The following DIP2A variants were observed in gnomAD, a reference collection of about 807,000 sequenced individuals.
The protein encoded by DIP2A is DIP2 acetate--CoA ligase A, also known as disco-interacting protein 2 homolog A.
DIP2A carries 85 observed loss-of-function variants against 177.4 expected under a neutral mutation model. That is an observed-to-expected ratio of 0.48 (90% CI 0.40 to 0.57). The LOEUF (loss-of-function observed/expected upper bound fraction) is 0.57. Among genes scored for constraint, DIP2A ranks in the 20% least tolerant of loss-of-function variants. DIP2A has a pLI of 0.00. For synonymous variants in DIP2A, 886 were observed against 881.8 expected (o/e 1.00, Z -0.08); for missense variants, 1,791 against 2,100.2 (o/e 0.85, Z 2.88).
At chr21:46,473,272 TG>T (rs1311009496) in intron 1 of DIP2A, among the ~76,000 whole-genome samples, 6 of 151,456 alleles carry the variant, frequency 4.0e-5, no homozygotes, top group Non-Finnish European at 7.4e-5. Context: ...GAGACTACCC[TG>T]GGCAACATAG....
rs2058911291 is a variant in DIP2A, at chr21:46,523,291, G to A, written c.1103-5801G>A. On this transcript the variant is annotated intron_variant, in intron 8 of 37. Coordinates refer to ENST00000417564, the MANE Select transcript of DIP2A (RefSeq NM_015151.4). ...GCTCTGTCGCCCAGGCTGGAGTGCAGTGGCGTGATCTTGGCTCACTGCAAC... is the reference window on the plus strand; with the variant it reads ...GCTCTGTCGCCCAGGCTGGAGTGCAATGGCGTGATCTTGGCTCACTGCAAC... Among the ~76,000 whole-genome samples the A allele has an allele frequency of 6.0e-5, 9 of 151,082 alleles. No individual in the cohort carries two copies. The South Asian group carries it at 1.9e-3, about 32-fold the overall frequency.
intron 35 of DIP2A, among the ~76,000 whole-genome samples, chr21:46,565,414 A>G (rs1364995793): frequency 6.6e-6 from 1 of 152,090 alleles, no homozygotes; most frequent in Non-Finnish European, 1.5e-5. Context: ...ATTACCAACA[A>G]TAGTTGGATG....
At chr21:46,515,452 CTTT>C (rs59288880) in intron 8 of DIP2A, among the ~76,000 whole-genome samples, 1 of 145,690 alleles carries the variant, frequency 6.9e-6, no homozygotes, top group Non-Finnish European at 1.5e-5. Context: ...CACACTTCCT[CTTT>C]TTTTTTTTTT....
chr21:46,544,640 C>G (rs1233999676), intron 18 of DIP2A, among the ~76,000 whole-genome samples: 1 of 152,172 alleles, frequency 6.6e-6, no homozygotes, highest in Non-Finnish European at 1.5e-5. Context: ...AGAGGCACTC[C>G]TTGACTTAAG....
At position 46,529,563 on chromosome 21, in the gene DIP2A, T is replaced by C. The variant is rs147202926; in HGVS notation, c.1194+380T>C. On this transcript the variant is annotated intron_variant, in intron 9 of 37. Transcript: ENST00000417564. ...TTGTAGTGAGCCAAGATCTCGCCAC[T>C]GCACTCCAGCCTGGCGACAGAGTGA... 6.0e-3 allele frequency among the ~76,000 whole-genome samples: 905 copies of C among 149,688 alleles called. 8 individuals are homozygous for C. Among genetic ancestry groups the C allele is most frequent in the Middle Eastern group, 0.021 (6 of 290 alleles).
intron 7 of DIP2A, among the ~76,000 whole-genome samples, chr21:46,510,166 G>A (rs1977907): frequency 0.48 from 72,768 of 151,966 alleles, 18,317 homozygotes; most frequent in African/African-American, 0.63. Context: ...CTGAGTCCCA[G>A]TGCTGAAGTA....
At chr21:46,551,071 G>T (rs1308020773) in intron 23 of DIP2A, among the ~76,000 whole-genome samples, 1 of 152,220 alleles carries the variant, frequency 6.6e-6, no homozygotes, top group Non-Finnish European at 1.5e-5. Context: ...TGCTGCCCAG[G>T]ATCATCCTGG....
intron 5 of DIP2A, among the ~76,000 whole-genome samples, chr21:46,501,608 G>A (rs572984811): frequency 4.6e-5 from 7 of 152,148 alleles, no homozygotes; most frequent in African/African-American, 1.7e-4. Context: ...TTTTTGGAAA[G>A]ATGGAGTTTT....
In DIP2A at chr21:46,537,803, G is replaced by A. The variant is rs992537797; in HGVS notation, c.1801+264G>A. 6.6e-6 allele frequency among the ~76,000 whole-genome samples: 1 copy of A among 152,082 alleles called. No homozygotes were observed. Among genetic ancestry groups the A allele is most frequent in the Admixed American group, 6.6e-5 (1 of 15,260 alleles). On this transcript the variant is annotated intron_variant, in intron 15 of 37. Coordinates refer to ENST00000417564, the MANE Select transcript of DIP2A (RefSeq NM_015151.4). The surrounding 1 kb of genome is among the most constrained non-coding windows in gnomAD (Gnocchi z 4.1). ...GGCCTTACTTCTCTCAACGGTTGAG[G>A]TGCCTCCTGGGACCAAGCAGGAGGC...
At chr21:46,510,760 A>C (rs544570139) in intron 7 of DIP2A, among the ~76,000 whole-genome samples, 2 of 150,952 alleles carry the variant, frequency 1.3e-5, no homozygotes, top group East Asian at 3.9e-4. Flanking sequence ...CCTCCCGAGT[A>C]GCTGGTACTA....
At chr21:46,491,216 C>T (rs1198295868) in intron 3 of DIP2A, among the ~76,000 whole-genome samples, 2 of 151,920 alleles carry the variant, frequency 1.3e-5, no homozygotes, top group African/African-American at 2.4e-5. Context: ...AATAGAATGG[C>T]CATTGAAAAA....
chr21:46,481,381 C>G (rs1218993314), intron 1 of DIP2A, among the ~76,000 whole-genome samples: 2 of 152,056 alleles, frequency 1.3e-5, no homozygotes, highest in South Asian at 2.1e-4. Context: ...TGGGTTGTTT[C>G]TAGTTTTTTG....
intron 9 of DIP2A, among the ~76,000 whole-genome samples, chr21:46,530,611 C>G (rs1298811345): frequency 1.3e-5 from 2 of 152,198 alleles, no homozygotes; most frequent in African/African-American, 4.8e-5. Flanking sequence ...CAAAAAGACT[C>G]GATCAAGAAG....
chr21:46,467,860 C>T (rs924938000), intron 1 of DIP2A, among the ~76,000 whole-genome samples: 2 of 151,948 alleles, frequency 1.3e-5, no homozygotes, highest in African/African-American at 4.8e-5. Flanking sequence ...CACCTATAAT[C>T]CCAGCACTTT....
intron 28 of DIP2A, 138 bp from the exon 29 acceptor site, chr21:46,555,844 A>G (rs2060448913): frequency 2.8e-6 from 2 of 725,144 alleles, no homozygotes; most frequent in South Asian, 1.5e-5. Flanking sequence ...CTGCATCGTC[A>G]CGGCCCCACT....
At chr21:46,528,258 C>T (rs1417425574) in intron 8 of DIP2A, among the ~76,000 whole-genome samples, 2 of 151,926 alleles carry the variant, frequency 1.3e-5, no homozygotes, top group African/African-American at 2.4e-5. Context: ...AGGAATTTAA[C>T]ATGTTAAAAC....
chr21:46,559,993 T>C (rs1461457864), intron 32 of DIP2A, among the ~76,000 whole-genome samples: 1 of 152,240 alleles, frequency 6.6e-6, no homozygotes, highest in East Asian at 1.9e-4. Flanking sequence ...TGGATATTAC[T>C]TGACATATTA....
chr21:46,495,343 A>T (rs1036316638), intron 3 of DIP2A, among the ~76,000 whole-genome samples: 4 of 147,846 alleles, frequency 2.7e-5, no homozygotes, highest in Non-Finnish European at 3.0e-5. Context: ...ATCTCGGCTC[A>T]CCACAATCTC....
the DIP2A span, among the ~76,000 whole-genome samples, chr21:46,575,606 C>T: frequency 1.3e-5 from 2 of 152,138 alleles, no homozygotes; most frequent in African/African-American, 2.4e-5. Flanking sequence ...CATTTTCATA[C>T]ACTCACAATG....
Sources: gnomAD v4.1 joint callset for allele counts (sites outside exome capture counted in the v4.1 genomes callset) on GRCh38, gnomAD v4.1.1 for gene constraint, Gnocchi (gnomAD v3.1) non-coding constraint, MANE v1.5 for transcripts, NCBI Gene and HGNC (gene_info 2026-07-23, HGNC 2026-07-21) for gene names.